Variants in TNFRSF19 observed in about 807,000 individuals in gnomAD.
TNFRSF19 encodes the protein TNF receptor superfamily member 19.
In TNFRSF19, 27 loss-of-function variants were observed where a neutral mutation model predicts 46.4. The ratio of observed to expected loss-of-function variants is 0.58; its 90% CI spans 0.43 to 0.80. The LOEUF (loss-of-function observed/expected upper bound fraction) is 0.80. Among genes scored for constraint, TNFRSF19 ranks in the 30% least tolerant of loss-of-function variants. The pLI is 0.00. For synonymous variants in TNFRSF19, 204 were observed against 205.0 expected (o/e 1.00, Z 0.04); for missense variants, 511 against 530.8 (o/e 0.96, Z 0.37).
chr13:23,593,183 T>G (rs188520876), intron 2 of TNFRSF19, among the ~76,000 whole-genome samples, 162 bp from the exon 3 acceptor site: 21 of 152,308 alleles, frequency 1.4e-4, no homozygotes, highest in African/African-American at 5.1e-4. Context: ...CACTGACTTA[T>G]TCAGAAAGTG....
chr13:23,633,313 C>G (rs1280724552), intron 5 of TNFRSF19, among the ~76,000 whole-genome samples: 1 of 152,050 alleles, frequency 6.6e-6, no homozygotes, highest in African/African-American at 2.4e-5. Flanking sequence ...AGGTTGAATT[C>G]CTGAGCTCAA....
intron 1 of TNFRSF19, among the ~76,000 whole-genome samples, chr13:23,575,379 T>C (rs1220562828): frequency 6.6e-6 from 1 of 152,180 alleles, no homozygotes; most frequent in Non-Finnish European, 1.5e-5. Flanking sequence ...TACGCACCCA[T>C]GGTATGGTGA....
intron 4 of TNFRSF19, among the ~76,000 whole-genome samples, chr13:23,619,659 T>G (rs1007264422): frequency 1.3e-5 from 2 of 152,230 alleles, no homozygotes; most frequent in Admixed American, 1.3e-4. Flanking sequence ...ATTGAGGACA[T>G]GAACGGAACA....
chr13:23,587,962 T>G (rs1451758722), intron 1 of TNFRSF19, among the ~76,000 whole-genome samples: 1 of 152,206 alleles, frequency 6.6e-6, no homozygotes, highest in African/African-American at 2.4e-5. Flanking sequence ...CCTAGATGCC[T>G]CCTATTTGTC....
At chr13:23,590,303 T>C in intron 2 of TNFRSF19, 51 bp downstream of exon 2, 2 of 1,124,598 alleles carry the variant, frequency 1.8e-6, no homozygotes, top group Non-Finnish European at 2.6e-6. Flanking sequence ...AGAATTCATG[T>C]ACTAATAAGT....
At chr13:23,575,617 T>C (rs7999114) in intron 1 of TNFRSF19, among the ~76,000 whole-genome samples, 99,325 of 152,118 alleles carry the variant, frequency 0.65, 33,194 homozygotes, top group African/African-American at 0.78. Context: ...ACTTTATTAC[T>C]CTTTGAGATT....
intron 3 of TNFRSF19, among the ~76,000 whole-genome samples, chr13:23,602,726 A>T (rs892636126): frequency 1.1e-4 from 17 of 152,086 alleles, no homozygotes; most frequent in Non-Finnish European, 2.9e-5. Flanking sequence ...AAAACTCTAA[A>T]ATACTTGGAG....
At position 23,615,898 on chromosome 13, in the gene TNFRSF19, A is replaced by G. The variant is rs1728674523; in HGVS notation, c.212A>G (p.Gln71Arg). The G allele has an allele frequency of 6.2e-7, 1 of 1,612,132 alleles. No individual in the cohort carries two copies. Among genetic ancestry groups the G allele is most frequent in the African/African-American group, 1.3e-5 (1 of 74,880 alleles). ...ECGFGYGEDA[Q>R]CVTCRLHRFK... ...GGCTTCGGCTATGGGGAGGATGCAC[A>G]GTGTGTGACGTGCCGGCTGCACAGG... The change falls in exon 4 of 10, where the codon CAG (glutamine) becomes CGG (arginine). Residue 71 changes from glutamine to arginine, a missense_variant. Around this residue, in one of 3 missense-constraint regions of TNFRSF19, gnomAD observed 121 missense variants for 124.1 expected, o/e 0.98. Coordinates refer to ENST00000248484, the MANE Select transcript of TNFRSF19 (RefSeq NM_148957.4).
In TNFRSF19 at chr13:23,668,034, C is replaced by T. The variant is rs368392120; in HGVS notation, c.791C>T (p.Pro264Leu). Reference protein sequence around the residue: ...MCCEEACSPNPATLGCGVHSA... With the variant: ...MCCEEACSPNLATLGCGVHSA... ...TGTGAGGAGGCCTGCAGCCCCAACC[C>T]GGCGACTCTTGGTTGTGGGGTGCAT... The change falls in exon 8 of 10, where the codon CCG becomes CTG. Residue 264 changes from proline (P) to leucine (L), a missense_variant. Pro to Leu is a moderately conservative substitution (Grantham distance 98). Around this residue, in one of 3 missense-constraint regions of TNFRSF19, gnomAD observed 376 missense variants for 372.7 expected, o/e 1.01. Transcript: ENST00000248484. 3.9e-5 allele frequency: 62 copies of T among 1,610,316 alleles called. No homozygotes were observed. Among genetic ancestry groups the T allele is most frequent in the African/African-American group, 1.3e-4 (10 of 75,006 alleles).
chr13:23,581,606 A>T (rs1878440191), intron 1 of TNFRSF19, among the ~76,000 whole-genome samples: 1 of 152,164 alleles, frequency 6.6e-6, no homozygotes, highest in Non-Finnish European at 1.5e-5. Flanking sequence ...GGATTGCGAC[A>T]TGTAATGTCA....
rs1462817198 is a variant in TNFRSF19 at position 23,675,904 on chromosome 13, G to A, written c.*2524G>A. ...ATGTGTTAATATTGCTATTACCTAG[G>A]TTAAGCACTATTGTCTGTGCTAGTA... On this transcript the variant is annotated 3_prime_UTR_variant, in exon 10 of 10. Transcript: ENST00000248484. The A allele has an allele frequency of 6.6e-6, 1 of 152,064 alleles. No individual in the cohort carries two copies. Among genetic ancestry groups the A allele is most frequent in the Non-Finnish European group, 1.5e-5 (1 of 68,020 alleles). 9.4% of individuals were successfully genotyped at this position (152,064 alleles called of 1,614,324 possible).
chr13:23,659,152 T>C lies in TNFRSF19; in HGVS notation c.548T>C (p.Leu183Pro), dbSNP rs1390646895. Residue 183 changes from leucine (L) to proline (P), a missense_variant, in exon 6 of 10, where the codon CTG (leucine) becomes CCG (proline). This residue lies in a region of TNFRSF19 where 376 missense variants were observed against 372.7 expected (regional missense o/e 1.01). Transcript: ENST00000248484. This position sits in a 1 kb window ranked among gnomAD's most constrained non-coding sequence, Gnocchi z 4.9. ...VICSALATVL[L>P]ALLILCVIYC... is the part of the protein sequence containing the mutation. ...TGCAGCGCTCTGGCCACCGTCCTGC[T>C]GGCCCTGCTCATCCTCTGTGTCATC... 1 of 1,614,196 alleles carries C rather than the reference T, an allele frequency of 6.2e-7. No individual in the cohort carries two copies. The highest frequency in any genetic ancestry group is 2.2e-5 in the East Asian group (1 of 44,886).
At position 23,604,649 on chromosome 13, in the gene TNFRSF19, G is replaced by A. The variant is rs189581324; in HGVS notation, c.180+11194G>A. ...AGACAGTGTGGTATTGACAAAAGAAGAGACAAACCAATCAGTGGAACAGAA... is the reference window on the plus strand; with the variant it reads ...AGACAGTGTGGTATTGACAAAAGAAAAGACAAACCAATCAGTGGAACAGAA... On this transcript the variant is annotated intron_variant, in intron 3 of 9. Coordinates refer to ENST00000248484, the MANE Select transcript of TNFRSF19 (RefSeq NM_148957.4). Among the ~76,000 whole-genome samples, 5 of 152,214 alleles carry A rather than the reference G, an allele frequency of 3.3e-5. No individual in the cohort carries two copies. The East Asian group carries it at 9.7e-4, about 29-fold the overall frequency.
chr13:23,626,364 A>C (rs1488705047), intron 4 of TNFRSF19, among the ~76,000 whole-genome samples: 2 of 152,098 alleles, frequency 1.3e-5, no homozygotes, highest in African/African-American at 2.4e-5. Context: ...TCTGAATTCC[A>C]AATGCTAAAA....
intron 3 of TNFRSF19, among the ~76,000 whole-genome samples, chr13:23,595,158 A>C (rs1879625188): frequency 6.6e-6 from 1 of 152,240 alleles, no homozygotes; most frequent in Non-Finnish European, 1.5e-5. Flanking sequence ...AGGAAAAACC[A>C]GTGCAAAAAG....
chr13:23,620,120 A>G (rs1406999207), intron 4 of TNFRSF19, among the ~76,000 whole-genome samples: 1 of 152,212 alleles, frequency 6.6e-6, no homozygotes, highest in Non-Finnish European at 1.5e-5. Flanking sequence ...GCGTAATTAC[A>G]TAGTGACTTT....
chr13:23,600,336 CCT>C (rs775562118), intron 3 of TNFRSF19, among the ~76,000 whole-genome samples: 1 of 152,104 alleles, frequency 6.6e-6, no homozygotes, highest in Non-Finnish European at 1.5e-5. Context: ...GCTGCAGAAG[CCT>C]CCCCTGGAGC....
chr13:23,586,274 A>G (rs1424732765), intron 1 of TNFRSF19, among the ~76,000 whole-genome samples: 1 of 151,648 alleles, frequency 6.6e-6, no homozygotes, highest in African/African-American at 2.4e-5. Context: ...AAAAAAAAAA[A>G]AAGAAAAGAC....
intron 5 of TNFRSF19, among the ~76,000 whole-genome samples, chr13:23,648,344 A>G (rs887717784): frequency 2.6e-5 from 4 of 152,036 alleles, no homozygotes; most frequent in African/African-American, 9.7e-5. Context: ...AGTCTTTTTG[A>G]TATTTTGTAA....
Sources: gnomAD v4.1 joint callset for allele counts (sites outside exome capture counted in the v4.1 genomes callset) on GRCh38, gnomAD v4.1.1 for gene constraint, gnomAD v4.1.1 regional missense constraint, Gnocchi (gnomAD v3.1) non-coding constraint, MANE v1.5 for transcripts, NCBI Gene and HGNC (gene_info 2026-07-23, HGNC 2026-07-21) for gene names.